RBFOX1: variants seen among roughly 807,000 people sequenced by gnomAD.
The protein encoded by RBFOX1 is RNA binding protein fox-1 homolog 1.
RBFOX1 carries 8 observed loss-of-function variants against 57.7 expected under a neutral mutation model. The observed-to-expected ratio is 0.14, with a 90% CI of 0.08 to 0.25. The LOEUF (loss-of-function observed/expected upper bound fraction) is 0.25. RBFOX1 is among the 10% of genes least tolerant of loss of function. The pLI, the probability that RBFOX1 is intolerant of heterozygous loss-of-function variation, is 1.00. For synonymous variants in RBFOX1, 326 were observed against 222.4 expected (o/e 1.47, Z -4.15); for missense variants, 611 against 548.5 (o/e 1.11, Z -1.14).
chr16:6,810,874 T>C (rs2088355640), intron 3 of RBFOX1, among the ~76,000 whole-genome samples: 1 of 152,058 alleles, frequency 6.6e-6, no homozygotes, highest in Non-Finnish European at 1.5e-5. Context: ...CCTCAACATG[T>C]GGGGATTACG....
chr16:7,295,746 C>G (rs2095875980), intron 4 of RBFOX1, among the ~76,000 whole-genome samples: 1 of 152,012 alleles, frequency 6.6e-6, no homozygotes, highest in Non-Finnish European at 1.5e-5. Flanking sequence ...AGAAAGAGTT[C>G]CCAAATACCC....
At chr16:5,241,348 A>G (rs369839159) in intron 1 of RBFOX1, among the ~76,000 whole-genome samples, 3 of 150,486 alleles carry the variant, frequency 2.0e-5, no homozygotes, top group East Asian at 3.9e-4. Flanking sequence ...AGGGCCGATC[A>G]CGGAAAGGAT....
intron 4 of RBFOX1, among the ~76,000 whole-genome samples, chr16:7,135,946 G>A (rs1300915041): frequency 6.6e-6 from 1 of 152,192 alleles, no homozygotes; most frequent in African/African-American, 2.4e-5. Flanking sequence ...CATTTCATCG[G>A]AAAATAAAGA....
intron 1 of RBFOX1, among the ~76,000 whole-genome samples, chr16:6,101,349 C>T (rs570899712): frequency 3.7e-4 from 56 of 152,260 alleles, no homozygotes; most frequent in East Asian, 2.1e-3. Context: ...TTCCTGTACA[C>T]GATGTCCTCA....
intron 4 of RBFOX1, among the ~76,000 whole-genome samples, chr16:7,492,826 C>T (rs553806708): frequency 1.3e-5 from 2 of 152,172 alleles, no homozygotes; most frequent in Admixed American, 6.5e-5. Flanking sequence ...TCACCTTCCA[C>T]CGTGAGTAAA....
intron 3 of RBFOX1, among the ~76,000 whole-genome samples, chr16:6,701,466 G>A (rs145221220): frequency 2.2e-4 from 34 of 152,276 alleles, no homozygotes; most frequent in African/African-American, 7.0e-4. Context: ...AAAGAAGAAA[G>A]GTTTATTTGA....
intron 2 of RBFOX1, among the ~76,000 whole-genome samples, chr16:6,329,226 G>A (rs146984743): frequency 6.6e-6 from 1 of 152,300 alleles, no homozygotes; most frequent in East Asian, 1.9e-4. Flanking sequence ...CAGCTAACAT[G>A]GTGGAAGTTT....
intron 3 of RBFOX1, chr16:6,704,428 C>G (rs1467078531): frequency 6.6e-6 from 1 of 152,274 alleles, no homozygotes; most frequent in Non-Finnish European, 1.5e-5. Context: ...CTCACCGTCT[C>G]TGCCCACATG....
intron 4 of RBFOX1, among the ~76,000 whole-genome samples, chr16:7,154,254 C>T (rs1180391520): frequency 6.6e-6 from 1 of 152,164 alleles, no homozygotes; most frequent in Admixed American, 6.5e-5. Flanking sequence ...CGGAGGAAGA[C>T]ATGGCAGAGA....
At chr16:7,058,406 G>A (rs145001209) in intron 4 of RBFOX1, among the ~76,000 whole-genome samples, 1 of 152,236 alleles carries the variant, frequency 6.6e-6, no homozygotes, top group African/African-American at 2.4e-5. Flanking sequence ...AACATTGTTT[G>A]CAAAATACAC....
At chr16:6,369,520 G>A (rs80337091) in intron 2 of RBFOX1, among the ~76,000 whole-genome samples, 6 of 152,302 alleles carry the variant, frequency 3.9e-5, no homozygotes, top group East Asian at 1.9e-4. Context: ...TAGTTCATAT[G>A]AATTCCTCTC....
intron 3 of RBFOX1, among the ~76,000 whole-genome samples, chr16:6,726,951 C>T (rs2067326838): frequency 6.6e-6 from 1 of 151,812 alleles, no homozygotes; most frequent in Non-Finnish European, 1.5e-5. Flanking sequence ...TTTCTAATGG[C>T]ACAGCCTATG....
At chr16:6,683,821 G>C (rs1305523504) in intron 3 of RBFOX1, among the ~76,000 whole-genome samples, 1 of 152,130 alleles carries the variant, frequency 6.6e-6, no homozygotes, top group Non-Finnish European at 1.5e-5. Context: ...ACAGGAAGTT[G>C]ACTCTTCATG....
chr16:6,025,743 C>T lies in RBFOX1; in HGVS notation c.-127+5751C>T, dbSNP rs187698835. Among the ~76,000 whole-genome samples, 10 of 152,290 alleles carry T rather than the reference C, an allele frequency of 6.6e-5. No individual in the cohort carries two copies. The East Asian group carries it at 1.9e-3, about 29-fold the overall frequency. On this transcript the variant is annotated intron_variant, in intron 1 of 15. Transcript: ENST00000550418. ...GGTTGCTTATGGAGAGCTCTGAGTGCAGCCGACGTTGTCCATCTTCAGAGG... is the reference window on the plus strand; with the variant it reads ...GGTTGCTTATGGAGAGCTCTGAGTGTAGCCGACGTTGTCCATCTTCAGAGG...
At chr16:6,487,701 ATATATATATATATATATATATATAT>A (rs2095532470) in intron 2 of RBFOX1, among the ~76,000 whole-genome samples, 2 of 4,516 alleles carry the variant, frequency 4.4e-4, no homozygotes, top group African/African-American at 7.5e-4. Flanking sequence ...AAAAAAAAAA[ATATATATATATATATATATATATAT>A]ATATATATAT....
intron 3 of RBFOX1, among the ~76,000 whole-genome samples, chr16:7,046,873 T>G (rs760134218): frequency 2.0e-4 from 31 of 152,130 alleles, no homozygotes; most frequent in Non-Finnish European, 4.0e-4. Flanking sequence ...TTCAAAGTTC[T>G]GGAATTACAG....
intron 2 of RBFOX1, among the ~76,000 whole-genome samples, chr16:5,500,515 C>G (rs537323672): frequency 6.6e-6 from 1 of 152,184 alleles, no homozygotes; most frequent in Non-Finnish European, 1.5e-5. Context: ...AGCCATCATG[C>G]CTGGCCGAGT....
At chr16:6,745,210 T>C (rs2073286766) in intron 3 of RBFOX1, among the ~76,000 whole-genome samples, 1 of 152,006 alleles carries the variant, frequency 6.6e-6, no homozygotes, top group Admixed American at 6.6e-5. Context: ...CTAAGAAAAT[T>C]CCAAGCCCAG....
At chr16:5,367,682 A>G (rs1339096474) in intron 1 of RBFOX1, among the ~76,000 whole-genome samples, 3 of 152,188 alleles carry the variant, frequency 2.0e-5, no homozygotes, top group Admixed American at 2.0e-4. Flanking sequence ...CTTTATATGC[A>G]TGATTTCACT....
Sources: allele counts gnomAD v4.1 joint callset (sites outside exome capture counted in the v4.1 genomes callset), GRCh38; gene constraint gnomAD v4.1.1; transcripts MANE v1.5; gene names NCBI Gene and HGNC (gene_info 2026-07-23, HGNC 2026-07-21).